The following FGF14 variants were observed in gnomAD, a reference collection of about 807,000 sequenced individuals.
FGF14 encodes fibroblast growth factor homologous factor 4.
A neutral mutation model predicts 25.5 loss-of-function variants in FGF14; 5 were observed. The ratio of observed to expected loss-of-function variants is 0.20; its 90% CI spans 0.10 to 0.41. The LOEUF is 0.41. Ranked by LOEUF, FGF14 falls within the 10% of genes least tolerant of loss-of-function variation. FGF14 has a pLI of 1.00. For synonymous variants in FGF14, 138 were observed against 118.3 expected, an observed-to-expected ratio of 1.17 and a Z score of -1.08; for missense variants, 222 against 320.1, an observed-to-expected ratio of 0.69 and a Z score of 2.34.
chr13:101,772,072 T>C (rs541798256), intron 3 of FGF14, among the ~76,000 whole-genome samples: 1 of 152,228 alleles, frequency 6.6e-6, no homozygotes, highest in Admixed American at 6.6e-5. Context: ...TGAATTATTG[T>C]GTTCAGGAGG....
At chr13:102,332,603 T>TA (rs1555402465) in intron 1 of FGF14, among the ~76,000 whole-genome samples, 1 of 151,972 alleles carries the variant, frequency 6.6e-6, no homozygotes, top group Non-Finnish European at 1.5e-5. Context: ...CATTTTTTTT[T>TA]ATAAATTCAA....
At chr13:101,958,107 T>C (rs916178113) in intron 1 of FGF14, among the ~76,000 whole-genome samples, 4 of 152,226 alleles carry the variant, frequency 2.6e-5, no homozygotes, top group Non-Finnish European at 4.4e-5. Flanking sequence ...TACCTAATTG[T>C]TGGAAGTGAT....
intron 3 of FGF14, among the ~76,000 whole-genome samples, chr13:101,836,930 A>C (rs754553630): frequency 5.3e-5 from 8 of 152,082 alleles, no homozygotes; most frequent in Non-Finnish European, 7.4e-5. Context: ...CTCATATTTC[A>C]ATTCACCCAC....
At chr13:102,034,762 T>G (rs2041387092) in intron 1 of FGF14, among the ~76,000 whole-genome samples, 1 of 152,126 alleles carries the variant, frequency 6.6e-6, no homozygotes, top group South Asian at 2.1e-4. Flanking sequence ...GTTGGTGGCA[T>G]TAGATGATGG....
chr13:101,780,705 T>C (rs1032941219), intron 3 of FGF14, among the ~76,000 whole-genome samples: 3 of 152,074 alleles, frequency 2.0e-5, no homozygotes, highest in Non-Finnish European at 4.4e-5. Flanking sequence ...AACTGATTTT[T>C]CCCACTCCCT....
At chr13:102,073,519 A>G (rs911587284) in intron 1 of FGF14, among the ~76,000 whole-genome samples, 1 of 152,224 alleles carries the variant, frequency 6.6e-6, no homozygotes, top group African/African-American at 2.4e-5. Context: ...ATCCTGTGCC[A>G]AGAAAGTTAA....
At chr13:102,166,148 A>G (rs2047996901) in intron 1 of FGF14, among the ~76,000 whole-genome samples, 1 of 150,996 alleles carries the variant, frequency 6.6e-6, no homozygotes, top group South Asian at 2.1e-4. Context: ...AGATTTGACT[A>G]CTCTAGGTAT....
At chr13:101,957,895 A>T (rs899662593) in intron 1 of FGF14, among the ~76,000 whole-genome samples, 19 of 152,192 alleles carry the variant, frequency 1.2e-4, no homozygotes, top group African/African-American at 4.6e-4. Context: ...TGACTATGAC[A>T]AGAAAAAAAA....
In FGF14 at chr13:102,150,295, GTT is replaced by G. The variant is rs58266375; in HGVS notation, c.208+251174_208+251175del. ...GGTTTCTGTGTATTTGTGTTTTTAG[GTT>G]TTTTTTTTTTCTTAAATAACAGAAG... On this transcript the variant is annotated intron_variant, in intron 1 of 4. Coordinates refer to the FGF14 transcript ENST00000376131. Among the ~76,000 whole-genome samples the G allele has an allele frequency of 5.3e-3, 790 of 148,392 alleles. 10 individuals are homozygous for G. Among genetic ancestry groups the G allele is most frequent in the African/African-American group, 0.016 (669 of 40,716 alleles).
chr13:101,780,457 T>A (rs912868343), intron 3 of FGF14, among the ~76,000 whole-genome samples: 1 of 152,208 alleles, frequency 6.6e-6, no homozygotes, highest in East Asian at 1.9e-4. Flanking sequence ...GAAGTCACTA[T>A]GCCAATGTCA....
intron 1 of FGF14, among the ~76,000 whole-genome samples, chr13:102,161,570 A>AAGAAGAAGAAGAAGAAGAGGAAGAAG: frequency 1.8e-4 from 1 of 5,652 alleles, no homozygotes; most frequent in Non-Finnish European, 2.4e-4. Context: ...TTCTGTGAAG[A>AAGAAGAAGAAGAAGAAGAGGAAGAAG]AAGAAAGAAG....
intron 1 of FGF14, among the ~76,000 whole-genome samples, chr13:102,098,153 C>CA (rs1181244914): frequency 1.3e-5 from 2 of 152,236 alleles, no homozygotes; most frequent in Non-Finnish European, 2.9e-5. Context: ...TCAAGACCCC[C>CA]ACCAGCCAGT....
At chr13:101,955,046 T>C (rs1042228049) in intron 1 of FGF14, among the ~76,000 whole-genome samples, 4 of 152,226 alleles carry the variant, frequency 2.6e-5, no homozygotes, top group Non-Finnish European at 2.9e-5. Context: ...TGTTTTTGGT[T>C]CTTTTATTTG....
chr13:101,958,417 TTA>T (rs1261656680), intron 1 of FGF14, among the ~76,000 whole-genome samples: 1 of 152,230 alleles, frequency 6.6e-6, no homozygotes, highest in Non-Finnish European at 1.5e-5. Context: ...CCTGTCCCAC[TTA>T]TGAGTCCAAA....
intron 1 of FGF14, among the ~76,000 whole-genome samples, chr13:102,260,976 T>G (rs956496226): frequency 1.3e-5 from 2 of 152,196 alleles, no homozygotes; most frequent in African/African-American, 2.4e-5. Flanking sequence ...CCTGTCCCTG[T>G]CCCCAAAAAT....
intron 1 of FGF14, among the ~76,000 whole-genome samples, chr13:102,097,276 A>G (rs1026898357): frequency 2.0e-5 from 3 of 152,312 alleles, no homozygotes; most frequent in Middle Eastern, 3.4e-3. Context: ...TTTAGAGCAG[A>G]AAGATCCAGA....
chr13:102,132,515 C>CTTTT (rs5806272), intron 1 of FGF14, among the ~76,000 whole-genome samples: 3 of 112,676 alleles, frequency 2.7e-5, no homozygotes, highest in Non-Finnish European at 3.9e-5. Flanking sequence ...TTCTTTCTTT[C>CTTTT]TTTTTTTTTT....
intron 1 of FGF14, among the ~76,000 whole-genome samples, chr13:102,178,878 A>G (rs914194908): frequency 1.3e-4 from 20 of 152,124 alleles, no homozygotes; most frequent in Non-Finnish European, 1.5e-5. Context: ...TTAAACTCAA[A>G]TGCAAATATT....
intron 1 of FGF14, among the ~76,000 whole-genome samples, chr13:102,254,270 A>G (rs968507725): frequency 6.6e-6 from 1 of 152,182 alleles, no homozygotes. Flanking sequence ...CTCACAATGC[A>G]GGTTGTCTGT....
Sources: gnomAD v4.1 joint callset for allele counts (sites outside exome capture counted in the v4.1 genomes callset) on GRCh38, gnomAD v4.1.1 for gene constraint, MANE v1.5 for transcripts, NCBI Gene and HGNC (gene_info 2026-07-23, HGNC 2026-07-21) for gene names.